SCN1A: variants seen among roughly 807,000 people sequenced by gnomAD.
The protein encoded by SCN1A is sodium voltage-gated channel alpha subunit 1, also known as sodium channel protein type 1 subunit alpha.
SCN1A carries 13 observed loss-of-function variants against 193.7 expected under a neutral mutation model. That is an observed-to-expected ratio of 0.07 (90% CI 0.04 to 0.11). The LOEUF (loss-of-function observed/expected upper bound fraction) is 0.11, where lower values mean the gene tolerates loss of function less well. SCN1A is among the 10% of genes least tolerant of loss of function. The pLI is 1.00. For synonymous variants in SCN1A, 781 were observed against 843.6 expected (o/e 0.93, Z 1.29); for missense variants, 1,432 against 2,451.1 (o/e 0.58, Z 8.78).
rs979712959 is a variant in SCN1A, at chr2:165,986,340, T to A, written c.*4905A>T. The A allele has an allele frequency of 2.0e-5, 3 of 152,132 alleles. No homozygotes were observed. Among genetic ancestry groups the A allele is most frequent in the Admixed American group, 6.6e-5 (1 of 15,248 alleles). The allele number at this position is 152,132 out of a possible 1,614,324, so 9.4% of individuals were successfully genotyped here. The stretch of plus-strand genomic sequence containing the variant: ...TGTGGAGCTGTGTTTGGAATTACTA[T>A]TTATACCCACAGTGTCTGGTCCCCA... On this transcript the variant is annotated 3_prime_UTR_variant, in exon 29 of 29. Transcript: ENST00000674923.
intron 22 of SCN1A, among the ~76,000 whole-genome samples, chr2:166,010,639 T>C (rs1692317937): frequency 6.6e-6 from 1 of 151,268 alleles, no homozygotes; most frequent in Non-Finnish European, 1.5e-5. Flanking sequence ...GATTATAACT[T>C]ATTTGGTTAG....
chr2:166,119,774 A>G (rs1049595890), intron 2 of SCN1A, among the ~76,000 whole-genome samples: 2 of 152,130 alleles, frequency 1.3e-5, no homozygotes. Flanking sequence ...AAAAGACAAA[A>G]TATTCAAACA....
intron 1 of SCN1A, among the ~76,000 whole-genome samples, chr2:166,138,360 A>G (rs1263061357): frequency 6.6e-6 from 1 of 152,222 alleles, no homozygotes; most frequent in East Asian, 1.9e-4. Flanking sequence ...CTGGAGGCCT[A>G]GGATGAAAAT....
intron 2 of SCN1A, among the ~76,000 whole-genome samples, chr2:166,085,398 C>A (rs1196683545): frequency 6.6e-6 from 1 of 152,116 alleles, no homozygotes; most frequent in Non-Finnish European, 1.5e-5. Context: ...TGGTGTTATG[C>A]AGGAAATATC....
chr2:165,989,173 G>A lies in SCN1A; in HGVS notation c.*2072C>T, dbSNP rs1187633847. 1 of 152,356 alleles carries A rather than the reference G, an allele frequency of 6.6e-6. No homozygotes were observed. Among genetic ancestry groups the A allele is most frequent in the Admixed American group, 6.6e-5 (1 of 15,240 alleles). The allele number at this position is 152,356 out of a possible 1,614,324, so 9.4% of individuals were successfully genotyped here. A position where few individuals can be genotyped will look rare whatever the true frequency, so the allele number is the denominator to read the frequency against. On this transcript the variant is annotated 3_prime_UTR_variant, in exon 29 of 29. Coordinates refer to ENST00000674923, the MANE Select transcript of SCN1A (RefSeq NM_001165963.4). ...CTGGGCAAACAATAAAATAAAAAAT[G>A]TAATCTTTATTAGTTTTGCACATTT...
At chr2:166,036,626 C>A in intron 18 of SCN1A, 96 bp from the exon 19 acceptor site, 2 of 1,298,584 alleles carry the variant, frequency 1.5e-6, no homozygotes, top group Admixed American at 2.1e-5. Context: ...GGAAAAAACT[C>A]TAAGTTCTAA....
chr2:166,093,879 T>C (rs1057216286), intron 2 of SCN1A, among the ~76,000 whole-genome samples: 2 of 152,148 alleles, frequency 1.3e-5, no homozygotes, highest in African/African-American at 4.8e-5. Context: ...TAAATCCGGG[T>C]CTAATCTTTC....
intron 14 of SCN1A, among the ~76,000 whole-genome samples, chr2:166,042,792 T>A (rs919729055): frequency 2.6e-5 from 4 of 152,210 alleles, no homozygotes; most frequent in African/African-American, 9.6e-5. Flanking sequence ...GGCACTTGAT[T>A]TTTGAGAAGG....
At chr2:166,124,681 A>G (rs1375081609) in intron 2 of SCN1A, among the ~76,000 whole-genome samples, 1 of 152,226 alleles carries the variant, frequency 6.6e-6, no homozygotes. Context: ...ACCCAACTTC[A>G]GTCCTGAGTC....
intron 1 of SCN1A, among the ~76,000 whole-genome samples, chr2:166,139,345 T>C (rs1691990473): frequency 6.6e-6 from 1 of 152,138 alleles, no homozygotes; most frequent in Non-Finnish European, 1.5e-5. Context: ...TTCCCATGTG[T>C]CATGGGAGGA....
At chr2:166,092,303 G>T (rs1390727133) in intron 2 of SCN1A, among the ~76,000 whole-genome samples, 2 of 152,072 alleles carry the variant, frequency 1.3e-5, no homozygotes, top group Non-Finnish European at 2.9e-5. Context: ...TGTTTAAACT[G>T]CTTGTCCAGG....
chr2:166,141,620 C>T (rs905015772), intron 1 of SCN1A, among the ~76,000 whole-genome samples: 6 of 152,024 alleles, frequency 3.9e-5, no homozygotes, highest in African/African-American at 1.4e-4. Flanking sequence ...AATTAGTTCA[C>T]TTATTATTGC....
rs57488795 is a variant in SCN1A, at chr2:166,123,223, CAAAAAAAAAAAAAAAA to C, written c.-142+3685_-142+3700del. Reference sequence around the variant, plus strand: ...AATCACATTCCTACTCATTCATTTGCAAAAAAAAAAAAAAAAAAAAAAAAAAAAAAAAAAAAAAAGA... The same window carrying C: ...AATCACATTCCTACTCATTCATTTGCAAAAAAAAAAAAAAAAAAAAAAAGA... On this transcript the variant is annotated intron_variant, in intron 2 of 28. Transcript: ENST00000674923. Among the ~76,000 whole-genome samples, 153 of 116,374 alleles carry C rather than the reference CAAAAAAAAAAAAAAAA, an allele frequency of 1.3e-3. 1 individual carries two copies. Among genetic ancestry groups the C allele is most frequent in the African/African-American group, 4.6e-3 (132 of 28,962 alleles). 76.3% of individuals were successfully genotyped at this position (116,374 alleles called of 152,430 possible). A position where few individuals can be genotyped will look rare whatever the true frequency, so the allele number is the denominator to read the frequency against.
intron 12 of SCN1A, 128 bp from the exon 13 acceptor site, chr2:166,045,455 A>C: frequency 1.8e-6 from 2 of 1,089,620 alleles, no homozygotes; most frequent in Non-Finnish European, 2.7e-6. Flanking sequence ...CACAGAGAAG[A>C]TTCTCTGCAA....
intron 1 of SCN1A, among the ~76,000 whole-genome samples, chr2:166,136,995 C>T (rs1393358149): frequency 2.0e-5 from 3 of 152,162 alleles, no homozygotes; most frequent in African/African-American, 4.8e-5. Context: ...AAAGTCTTTC[C>T]CTCTACTTGT....
At chr2:166,004,441 G>A (rs748536544) in intron 23 of SCN1A, among the ~76,000 whole-genome samples, 5 of 150,748 alleles carry the variant, frequency 3.3e-5, no homozygotes, top group African/African-American at 7.3e-5. Context: ...TCTTTGAAAC[G>A]TTTCTCAGCT....
At chr2:166,090,119 A>T (rs1686636121) in intron 2 of SCN1A, among the ~76,000 whole-genome samples, 1 of 130,850 alleles carries the variant, frequency 7.6e-6, no homozygotes. Context: ...GGCTCACTGT[A>T]GCCTCAAACT....
At chr2:166,063,373 A>G (rs1248418213) in intron 4 of SCN1A, among the ~76,000 whole-genome samples, 4 of 152,082 alleles carry the variant, frequency 2.6e-5, no homozygotes, top group Non-Finnish European at 5.9e-5. Context: ...ACAGGTACCA[A>G]GTTTATTGGG....
At chr2:166,048,773 T>C (rs1342586807) in intron 10 of SCN1A, 113 bp downstream of exon 10, 1 of 729,560 alleles carries the variant, frequency 1.4e-6, no homozygotes, top group Non-Finnish European at 2.5e-6. Flanking sequence ...AGCAAATTAA[T>C]GTCAATAAAA....
Sources: gnomAD v4.1 joint callset for allele counts (sites outside exome capture counted in the v4.1 genomes callset) on GRCh38, gnomAD v4.1.1 for gene constraint, MANE v1.5 for transcripts, NCBI Gene and HGNC (gene_info 2026-07-23, HGNC 2026-07-21) for gene names.